The following SPAG16 variants were observed in gnomAD, a reference collection of about 807,000 sequenced individuals.
SPAG16 encodes sperm associated antigen 16, also known as sperm-associated antigen 16 protein.
A neutral mutation model predicts 80.4 loss-of-function variants in SPAG16; 86 were observed. The ratio of observed to expected loss-of-function variants is 1.07; its 90% CI spans 0.90 to 1.28. The LOEUF (loss-of-function observed/expected upper bound fraction) is 1.28. Among genes scored for constraint, SPAG16 ranks in the 50% most tolerant of loss-of-function variants. The pLI, the probability that SPAG16 is intolerant of heterozygous loss-of-function variation, is 0.00. For missense variants in SPAG16, 870 were observed against 765.3 expected, an observed-to-expected ratio of 1.14 and a Z score of -1.61; for synonymous variants, 294 against 265.9, an observed-to-expected ratio of 1.11 and a Z score of -1.03.
chr2:213,364,262 A>G, intron 8 of SPAG16, 117 bp downstream of exon 8: 2 of 470,398 alleles, frequency 4.3e-6, no homozygotes, highest in Non-Finnish European at 7.2e-6. Flanking sequence ...TATTTCACAA[A>G]TTAAAATTTT....
intron 15 of SPAG16, among the ~76,000 whole-genome samples, chr2:214,252,442 C>G (rs937426994): frequency 1.3e-5 from 2 of 151,900 alleles, no homozygotes; most frequent in Non-Finnish European, 2.9e-5. Flanking sequence ...CTATCCCTCC[C>G]CTAGCCCCCC....
In SPAG16 at chr2:214,389,099, T is replaced by C. The variant is rs566268945; in HGVS notation, c.1721-21041T>C. On this transcript the variant is annotated intron_variant, in intron 15 of 15. Transcript: ENST00000331683. ...TATTTCTCTATAGATAAGACAAACA[T>C]AAAATGAATACAAAGGCATATGTAA... Among the ~76,000 whole-genome samples the C allele has an allele frequency of 4.9e-4, 75 of 152,236 alleles. No individual in the cohort carries two copies. The Middle Eastern group carries it at 0.01, about 21-fold the overall frequency.
chr2:214,357,480 C>G (rs1274855771), intron 15 of SPAG16, among the ~76,000 whole-genome samples: 2 of 151,816 alleles, frequency 1.3e-5, no homozygotes, highest in African/African-American at 4.8e-5. Flanking sequence ...GTCTAATCTG[C>G]TCTACCCCCT....
intron 10 of SPAG16, among the ~76,000 whole-genome samples, chr2:213,724,934 A>T (rs2066696980): frequency 6.6e-6 from 1 of 152,004 alleles, no homozygotes; most frequent in South Asian, 2.1e-4. Context: ...CTAATAGTTG[A>T]TTTATTCAGT....
In SPAG16 at chr2:213,375,039, C is replaced by A. The variant is rs763123278; in HGVS notation, c.862C>A (p.Pro288Thr). ...VDHSREKENA[P>T]EGPTQKGLRE... Reference sequence around the variant, plus strand: ...TCATAGTCGTGAAAAAGAAAATGCACCAGAAGGTCCTACTCAGAAAGGTCT... The same window carrying A: ...TCATAGTCGTGAAAAAGAAAATGCAACAGAAGGTCCTACTCAGAAAGGTCT... The change falls in exon 9 of 16, where the codon CCA becomes ACA. Residue 288 changes from proline (P) to threonine (T), a missense_variant. By Grantham distance (38) the Pro-to-Thr change is conservative (BLOSUM62 -1). Coordinates refer to ENST00000331683, the MANE Select transcript of SPAG16 (RefSeq NM_024532.5). 1.9e-5 allele frequency: 30 copies of A among 1,606,594 alleles called. No individual in the cohort carries two copies. Among genetic ancestry groups the A allele is most frequent in the Non-Finnish European group, 2.5e-5 (30 of 1,177,160 alleles).
At chr2:214,025,981 T>A (rs1041108053) in intron 13 of SPAG16, among the ~76,000 whole-genome samples, 1 of 151,526 alleles carries the variant, frequency 6.6e-6, no homozygotes, top group African/African-American at 2.4e-5. Context: ...CCAAGAAATA[T>A]TCTTTTGAAG....
intron 9 of SPAG16, among the ~76,000 whole-genome samples, chr2:213,431,672 G>T (rs78848768): frequency 0.091 from 13,864 of 151,812 alleles, 1,614 homozygotes; most frequent in African/African-American, 0.27. Context: ...AACACCCTAC[G>T]GACACACTAT....
At chr2:213,370,408 T>C (rs2066567002) in intron 8 of SPAG16, among the ~76,000 whole-genome samples, 1 of 152,214 alleles carries the variant, frequency 6.6e-6, no homozygotes, top group Admixed American at 6.5e-5. Flanking sequence ...TACCCTTTTC[T>C]TTATTGCATA....
At chr2:214,118,257 T>C (rs2054040550) in intron 14 of SPAG16, among the ~76,000 whole-genome samples, 1 of 152,024 alleles carries the variant, frequency 6.6e-6, no homozygotes. Flanking sequence ...ACAAAAAATC[T>C]AGAAATAAGT....
At chr2:213,660,283 T>C (rs1489051478) in intron 10 of SPAG16, among the ~76,000 whole-genome samples, 1 of 151,956 alleles carries the variant, frequency 6.6e-6, no homozygotes, top group Non-Finnish European at 1.5e-5. Flanking sequence ...TTTTTTTTTT[T>C]TTTCTGAGAC....
At chr2:214,379,934 A>G (rs1700352510) in intron 15 of SPAG16, among the ~76,000 whole-genome samples, 1 of 152,212 alleles carries the variant, frequency 6.6e-6, no homozygotes, top group African/African-American at 2.4e-5. Context: ...AGCTCAGGAT[A>G]GCACTGGTCT....
At chr2:213,397,938 C>G (rs1040922565) in intron 9 of SPAG16, among the ~76,000 whole-genome samples, 6 of 152,144 alleles carry the variant, frequency 3.9e-5, no homozygotes, top group Non-Finnish European at 8.8e-5. Context: ...CTGAACACCT[C>G]CAGTTAAATG....
At chr2:214,021,015 GATTAATC>G (rs1281251219) in intron 13 of SPAG16, among the ~76,000 whole-genome samples, 15 of 152,024 alleles carry the variant, frequency 9.9e-5, no homozygotes, top group Admixed American at 3.9e-4. Flanking sequence ...TTGATAGGAT[GATTAATC>G]ATATTATTTT....
At chr2:213,879,361 C>G (rs1482974688) in intron 11 of SPAG16, among the ~76,000 whole-genome samples, 1 of 151,142 alleles carries the variant, frequency 6.6e-6, no homozygotes, top group Non-Finnish European at 1.5e-5. Flanking sequence ...GATGTTTTAC[C>G]TCCTTGGTTA....
intron 9 of SPAG16, among the ~76,000 whole-genome samples, chr2:213,441,269 G>A (rs192860195): frequency 6.6e-6 from 1 of 152,284 alleles, no homozygotes; most frequent in African/African-American, 2.4e-5. Context: ...CCTATCAGTG[G>A]TAGAATAATC....
intron 15 of SPAG16, among the ~76,000 whole-genome samples, chr2:214,199,205 G>A (rs192607682): frequency 2.0e-5 from 3 of 151,896 alleles, no homozygotes; most frequent in South Asian, 2.1e-4. Context: ...GAGTTTTTCC[G>A]ATGTTAACTT....
At chr2:213,387,431 C>CTTTTTTT (rs71060428) in intron 9 of SPAG16, among the ~76,000 whole-genome samples, 1,512 of 47,718 alleles carry the variant, frequency 0.032, 324 homozygotes, top group East Asian at 0.076. Context: ...AATGCATGCT[C>CTTTTTTT]TTTTTTTTTT....
intron 11 of SPAG16, among the ~76,000 whole-genome samples, chr2:213,920,249 G>A (rs1174103106): frequency 1.3e-5 from 2 of 152,122 alleles, no homozygotes; most frequent in African/African-American, 4.8e-5. Context: ...TTGCCACTCT[G>A]TGCCTTTTAA....
Position 213,384,202 on chromosome 2 carries a change from C to G in SPAG16, c.942+9083C>G, listed in dbSNP as rs560180629. 2.6e-5 allele frequency among the ~76,000 whole-genome samples: 4 copies of G among 152,242 alleles called. No individual in the cohort carries two copies. The South Asian group carries it at 8.3e-4, about 32-fold the overall frequency. ...TCTGTGCCATTTTCCACCACCCTCC[C>G]CAATATGCAGTATTATTTTTTATGA... On this transcript the variant is annotated intron_variant, in intron 9 of 15. Coordinates refer to ENST00000331683, the MANE Select transcript of SPAG16 (RefSeq NM_024532.5).
Sources: gnomAD v4.1 joint callset for allele counts (sites outside exome capture counted in the v4.1 genomes callset) on GRCh38, gnomAD v4.1.1 for gene constraint, MANE v1.5 for transcripts, NCBI Gene and HGNC (gene_info 2026-07-23, HGNC 2026-07-21) for gene names.